CNTNAP3: variants seen among roughly 807,000 people sequenced by gnomAD.
The protein encoded by CNTNAP3 is contactin associated protein family member 3, also known as contactin-associated protein-like 3.
A neutral mutation model predicts 92.1 loss-of-function variants in CNTNAP3; 36 were observed. That is an observed-to-expected ratio of 0.39 (90% CI 0.30 to 0.52). The LOEUF (loss-of-function observed/expected upper bound fraction) is 0.52, where lower values mean the gene tolerates loss of function less well. Ranked by LOEUF, CNTNAP3 falls within the 20% of genes least tolerant of loss-of-function variation. The probability of loss-of-function intolerance (pLI) is 0.76; values close to 1 mark genes in which losing one functional copy is unlikely to be tolerated. For missense variants in CNTNAP3, 534 were observed against 1,069.6 expected (o/e 0.50, Z 6.98); for synonymous variants, 232 against 422.3 (o/e 0.55, Z 5.53).
At chr9:39,143,036 A>C (rs1821613943) in intron 11 of CNTNAP3, among the ~76,000 whole-genome samples, 1 of 152,102 alleles carries the variant, frequency 6.6e-6, no homozygotes, top group Admixed American at 6.5e-5. Context: ...AGTTGCTCAG[A>C]AACGTCAGTA....
intron 16 of CNTNAP3, among the ~76,000 whole-genome samples, 178 bp from the exon 17 acceptor site, chr9:39,102,893 G>T: frequency 1.3e-5 from 2 of 152,120 alleles, no homozygotes. Flanking sequence ...GAGGAAAACA[G>T]AACGGATTTT....
At chr9:39,082,470 A>AC (rs1554713705) in intron 21 of CNTNAP3, among the ~76,000 whole-genome samples, 5 of 150,134 alleles carry the variant, frequency 3.3e-5, no homozygotes, top group African/African-American at 9.8e-5. Context: ...GGAAAAAAAA[A>AC]CCCACAAAAT....
chr9:39,087,247 T>C (rs1826080686), intron 19 of CNTNAP3, among the ~76,000 whole-genome samples: 1 of 152,262 alleles, frequency 6.6e-6, no homozygotes, highest in Admixed American at 6.5e-5. Flanking sequence ...AATTATAACT[T>C]CTAATAAGGC....
At chr9:39,148,526 CTTT>C (rs887513999) in intron 10 of CNTNAP3, among the ~76,000 whole-genome samples, 23 of 137,878 alleles carry the variant, frequency 1.7e-4, no homozygotes, top group Admixed American at 4.4e-4. Context: ...GCAGATATAA[CTTT>C]TTTTTTTTTT....
At chr9:39,124,167 C>T (rs1563885389) in intron 13 of CNTNAP3, among the ~76,000 whole-genome samples, 3 of 151,774 alleles carry the variant, frequency 2.0e-5, no homozygotes, top group African/African-American at 7.3e-5. Context: ...ATTGGAAATG[C>T]TGTGTTATAA....
rs1230609897 is a variant in CNTNAP3, at chr9:39,112,558, G to T, written c.2238-3271C>A. On this transcript the variant is annotated intron_variant, in intron 14 of 23. Transcript: ENST00000297668. ...TTTTTGTATTTTTAGTATAGACGGG[G>T]TTTCACCATGTTGGTCAGGCTGGTC... 2.6e-5 allele frequency among the ~76,000 whole-genome samples: 4 copies of T among 152,164 alleles called. No homozygotes were observed. In the East Asian group the frequency reaches 7.7e-4, roughly 29 times the overall value.
At chr9:39,123,237 G>C (rs540851717) in intron 13 of CNTNAP3, among the ~76,000 whole-genome samples, 1 of 151,934 alleles carries the variant, frequency 6.6e-6, no homozygotes, top group Non-Finnish European at 1.5e-5. Flanking sequence ...TGGGACTACA[G>C]GCGCCCGCCA....
In CNTNAP3 at chr9:39,120,329, A is replaced by G. The variant is rs185070764; in HGVS notation, c.2081-2070T>C. On this transcript the variant is annotated intron_variant, in intron 13 of 23. Coordinates refer to ENST00000297668, the MANE Select transcript of CNTNAP3 (RefSeq NM_033655.5). ...TCAGGGCTGATAGAAAAGAATTGTC[A>G]ACTATAAATTATATATCCAGAGAAA... Among the ~76,000 whole-genome samples the G allele has an allele frequency of 3.5e-4, 53 of 152,334 alleles. No homozygotes were observed. In the East Asian group the frequency reaches 9.1e-3, roughly 26 times the overall value.
At chr9:39,126,141 C>T (rs1231270883) in intron 13 of CNTNAP3, among the ~76,000 whole-genome samples, 2 of 152,038 alleles carry the variant, frequency 1.3e-5, no homozygotes, top group Non-Finnish European at 2.9e-5. Context: ...ATAGAAATCA[C>T]AAAAGGCATG....
chr9:39,087,402 C>T (rs12351972), intron 19 of CNTNAP3, among the ~76,000 whole-genome samples: 10,018 of 152,070 alleles, frequency 0.066, 36 homozygotes, highest in African/African-American at 0.18. Context: ...TTCTAATATA[C>T]ATACCCCTCT....
intron 10 of CNTNAP3, among the ~76,000 whole-genome samples, chr9:39,148,985 G>A (rs1302116829): frequency 6.6e-6 from 1 of 152,142 alleles, no homozygotes; most frequent in Non-Finnish European, 1.5e-5. Flanking sequence ...GGCACAGCTA[G>A]CATAACTGTG....
chr9:39,082,009 C>G (rs1825952527), intron 21 of CNTNAP3, among the ~76,000 whole-genome samples: 2 of 150,564 alleles, frequency 1.3e-5, no homozygotes, highest in Non-Finnish European at 3.0e-5. Flanking sequence ...ATGGCGTGAA[C>G]CCGGGAGGCA....
At position 39,071,746 on chromosome 9, in the gene CNTNAP3, C is replaced by T. The variant is rs545238511; in HGVS notation, c.*2144G>A. Among the ~76,000 whole-genome samples the T allele has an allele frequency of 1.0e-4, 15 of 144,270 alleles. No homozygotes were observed. The highest frequency in any genetic ancestry group is 1.0e-3 in the Admixed American group (15 of 14,466). The allele number at this position is 144,270 out of a possible 152,430, so 94.6% of individuals were successfully genotyped here. On this transcript the variant is annotated 3_prime_UTR_variant, in exon 24 of 24. Coordinates refer to ENST00000297668, the MANE Select transcript of CNTNAP3 (RefSeq NM_033655.5). Reference sequence around the variant, plus strand: ...ATATATATATTCATAGATATTTTTACATCTAGCAATCAGTAAATATTTATC... The same window carrying T: ...ATATATATATTCATAGATATTTTTATATCTAGCAATCAGTAAATATTTATC...
intron 17 of CNTNAP3, 126 bp from the exon 18 acceptor site, chr9:39,100,276 C>A: frequency 6.4e-7 from 1 of 1,565,462 alleles, no homozygotes; most frequent in African/African-American, 1.4e-5. Flanking sequence ...ATTTTGTGAA[C>A]ATACACAATT....
At position 39,068,028 on chromosome 9, in the gene CNTNAP3, A is replaced by T. The variant is rs1422359642; in HGVS notation, c.*5862T>A. On this transcript the variant is annotated 3_prime_UTR_variant, in exon 24 of 24. Transcript: ENST00000297668. The stretch of plus-strand genomic sequence containing the variant: ...TTTTTTGGGGGGGATGGGAGAAGTG[A>T]AGAGAAGAAAAATATTCTTTTTGTG... Among the ~76,000 whole-genome samples the T allele has an allele frequency of 1.3e-5, 2 of 151,514 alleles. No homozygotes were observed. Among genetic ancestry groups the T allele is most frequent in the Non-Finnish European group, 2.9e-5 (2 of 68,048 alleles).
At position 39,065,632 on chromosome 9, in the gene CNTNAP3, G is replaced by A. The variant is rs1360705188; in HGVS notation, c.*8258C>T. Among the ~76,000 whole-genome samples the A allele has an allele frequency of 1.3e-5, 2 of 152,144 alleles. No individual in the cohort carries two copies. Among genetic ancestry groups the A allele is most frequent in the African/African-American group, 2.4e-5 (1 of 41,432 alleles). ...AATTGCTCCATATTCTCAACAACAC[G>A]TGGTACTGACAATATTTTTAATCAT... On this transcript the variant is annotated 3_prime_UTR_variant, in exon 24 of 24. Transcript: ENST00000297668.
intron 13 of CNTNAP3, among the ~76,000 whole-genome samples, chr9:39,131,469 A>G (rs1821291820): frequency 6.6e-6 from 1 of 151,776 alleles, no homozygotes; most frequent in Non-Finnish European, 1.5e-5. Flanking sequence ...CAGGGGAGAG[A>G]GGGATCACCC....
In CNTNAP3 at chr9:39,178,146, TA is replaced by T; in HGVS notation, c.742+10del. ...TTAACTACTGGTATAAAAGTTCAAG[TA>T]TTTTTTTACCTGAATTAAGAAAAAA... is the stretch of plus-strand genomic sequence containing the variant. On this transcript the variant is annotated intron_variant, in intron 5 of 23. Transcript: ENST00000297668. 1 of 336,648 alleles carries T rather than the reference TA, an allele frequency of 3.0e-6. No homozygotes were observed. The highest frequency in any genetic ancestry group is 5.0e-6 in the Non-Finnish European group (1 of 199,674). The allele number at this position is 336,648 out of a possible 1,614,324, so 20.9% of individuals were successfully genotyped here.
intron 14 of CNTNAP3, among the ~76,000 whole-genome samples, chr9:39,115,173 T>A (rs1820826631): frequency 6.6e-6 from 1 of 151,392 alleles, no homozygotes; most frequent in Non-Finnish European, 1.5e-5. Flanking sequence ...GGCGATGGTT[T>A]ATATTAACAA....
Sources: allele counts gnomAD v4.1 joint callset (sites outside exome capture counted in the v4.1 genomes callset), GRCh38; gene constraint gnomAD v4.1.1; transcripts MANE v1.5; gene names NCBI Gene and HGNC (gene_info 2026-07-23, HGNC 2026-07-21).